LRCH4: variants seen among roughly 807,000 people sequenced by gnomAD.
The protein encoded by LRCH4 is leucine rich repeats and calponin homology domain containing 4.
In LRCH4, 56 loss-of-function variants were observed where a neutral mutation model predicts 81.2. That is an observed-to-expected ratio of 0.69 (90% CI 0.56 to 0.86). The LOEUF is 0.86. Among genes scored for constraint, LRCH4 ranks in the 40% least tolerant of loss-of-function variants. LRCH4 has a pLI of 0.00. For synonymous variants in LRCH4, 442 were observed against 409.7 expected, an observed-to-expected ratio of 1.08 and a Z score of -0.95; for missense variants, 895 against 922.8, an observed-to-expected ratio of 0.97 and a Z score of 0.39.
rs1801633672 is a variant in LRCH4 at position 100,583,809 on chromosome 7, T to G, written c.221-1350A>C. On this transcript the variant is annotated intron_variant, in intron 1 of 17. Coordinates refer to ENST00000310300, the MANE Select transcript of LRCH4 (RefSeq NM_002319.5). This position sits in a 1 kb window ranked among gnomAD's most constrained non-coding sequence, Gnocchi z 4.3. ...CTCGCCTCCACCTGCCCGCTTTCTC[T>G]GCAAATGTGTTTGTGTGTGTGCATG... Among the ~76,000 whole-genome samples, 1 of 152,132 alleles carries G rather than the reference T, an allele frequency of 6.6e-6. No individual in the cohort carries two copies. The highest frequency in any genetic ancestry group is 2.1e-4 in the South Asian group (1 of 4,834).
rs200891670 is a variant in LRCH4 at position 100,574,632 on chromosome 7, G to GCGCGCACACACACACACACACA, written c.*474_*475insTGTGTGTGTGTGTGTGTGCGCG. 83 of 152,108 alleles carry GCGCGCACACACACACACACACA rather than the reference G, an allele frequency of 5.5e-4. No individual in the cohort carries two copies. Among genetic ancestry groups the GCGCGCACACACACACACACACA allele is most frequent in the Non-Finnish European group, 9.4e-4 (65 of 68,946 alleles). 9.4% of individuals were successfully genotyped at this position (152,108 alleles called of 1,614,324 possible). On this transcript the variant is annotated 3_prime_UTR_variant, in exon 18 of 18. Transcript: ENST00000310300. The stretch of plus-strand genomic sequence containing the variant: ...ACGCGGAGCAGACGCGCGCGCGCGC[G>GCGCGCACACACACACACACACA]CACACACACACACACAGGCAGGGCG...
At position 100,582,291 on chromosome 7, in the gene LRCH4, G is replaced by C. The variant is rs756173102; in HGVS notation, c.365+24C>G. ...GAGACTGAGAAGCACACGCTCCCAC[G>C]TGGCCCTGGCTCGGCCTCCCTACCT... is the stretch of plus-strand genomic sequence containing the variant. On this transcript the variant is annotated intron_variant, in intron 2 of 17. Coordinates refer to ENST00000310300, the MANE Select transcript of LRCH4 (RefSeq NM_002319.5). This position sits in a 1 kb window ranked among gnomAD's most constrained non-coding sequence, Gnocchi z 5.0. The C allele has an allele frequency of 6.8e-6, 11 of 1,613,934 alleles. No individual in the cohort carries two copies. Among genetic ancestry groups the C allele is most frequent in the Non-Finnish European group, 9.3e-6 (11 of 1,180,026 alleles).
chr7:100,576,339 G>A lies in LRCH4; in HGVS notation c.1553-16C>T, dbSNP rs1354167217. The stretch of plus-strand genomic sequence containing the variant: ...GAGGAAGGGCCTAGGAGAAAAAGGG[G>A]GGCATGGGGCTGCCTCCACTGCTCA... On this transcript the variant is annotated splice_polypyrimidine_tract_variant and intron_variant, in intron 14 of 17. Transcript: ENST00000310300. 2.5e-6 allele frequency: 4 copies of A among 1,593,826 alleles called. No individual in the cohort carries two copies. Among genetic ancestry groups the A allele is most frequent in the Admixed American group, 3.3e-5 (2 of 59,882 alleles).
At position 100,575,989 on chromosome 7, in the gene LRCH4, TG is replaced by T; in HGVS notation, c.1657del (p.Gln553SerfsTer56). 1 of 1,606,244 alleles carries T rather than the reference TG, an allele frequency of 6.2e-7. No homozygotes were observed. Among genetic ancestry groups the T allele is most frequent in the Non-Finnish European group, 8.5e-7 (1 of 1,178,952 alleles). On this transcript the variant is annotated frameshift_variant, in exon 16 of 18. Transcript: ENST00000310300. LOFTEE classifies it high-confidence loss of function. This position sits in a 1 kb window ranked among gnomAD's most constrained non-coding sequence, Gnocchi z 5.3. ...QLRQVLESRL[Q>X]RPLPEDLAEA... ...GGCCAGGTCCTCAGGCAGGGGCCGC[TG>T]CAGCCGGGACTCAAGGACCTGGCAG...
chr7:100,575,673 T>C lies in LRCH4; in HGVS notation c.1854+32A>G, dbSNP rs749253190. On this transcript the variant is annotated intron_variant, in intron 17 of 17. Coordinates refer to ENST00000310300, the MANE Select transcript of LRCH4 (RefSeq NM_002319.5). This position sits in a 1 kb window ranked among gnomAD's most constrained non-coding sequence, Gnocchi z 5.3. ...GCCACATGCTCGGCTGAGTCCGGCA[T>C]GCCACCACTCTTTAGAAAGCAGCCC... 3.7e-6 allele frequency: 6 copies of C among 1,612,202 alleles called. No individual in the cohort carries two copies. The highest frequency in any genetic ancestry group is 1.1e-5 in the South Asian group (1 of 91,056).
chr7:100,574,082 G>A lies in LRCH4; in HGVS notation c.*1025C>T, dbSNP rs1801246390. ...GGCTGACACGACACCTGCGACACCC[G>A]CGGTCCTTCCACCCAGACCCTCGAC... is the stretch of plus-strand genomic sequence containing the variant. On this transcript the variant is annotated 3_prime_UTR_variant, in exon 18 of 18. Coordinates refer to ENST00000310300, the MANE Select transcript of LRCH4 (RefSeq NM_002319.5). 3 of 155,832 alleles carry A rather than the reference G, an allele frequency of 1.9e-5. No homozygotes were observed. The highest frequency in any genetic ancestry group is 7.2e-5 in the African/African-American group (3 of 41,474). The allele number at this position is 155,832 out of a possible 1,614,324, so 9.7% of individuals were successfully genotyped here. A position where few individuals can be genotyped will look rare whatever the true frequency, so the allele number is the denominator to read the frequency against.
chr7:100,578,579 T>C lies in LRCH4; in HGVS notation c.736-68A>G. On this transcript the variant is annotated intron_variant, in intron 5 of 17. Coordinates refer to ENST00000310300, the MANE Select transcript of LRCH4 (RefSeq NM_002319.5). The surrounding 1 kb of genome is among the most constrained non-coding windows in gnomAD (Gnocchi z 5.7). ...CAGCTCCCCGGATCCTGCTCAGCTA[T>C]CCAAGGGGACCAACCCCACTCCTGC... 6.2e-7 allele frequency: 1 copy of C among 1,601,478 alleles called. No individual in the cohort carries two copies. The highest frequency in any genetic ancestry group is 1.3e-5 in the African/African-American group (1 of 74,858).
In LRCH4 at chr7:100,575,853, TC is replaced by T; in HGVS notation, c.1776+17del. The stretch of plus-strand genomic sequence containing the variant: ...GCGCCCCGGCCCATCCCCCACCTCT[TC>T]CCCAGCCCCAACTGACCACAGCAGG... On this transcript the variant is annotated intron_variant, in intron 16 of 17. Coordinates refer to ENST00000310300, the MANE Select transcript of LRCH4 (RefSeq NM_002319.5). The surrounding 1 kb of genome is among the most constrained non-coding windows in gnomAD (Gnocchi z 5.3). 2 of 1,611,488 alleles carry T rather than the reference TC, an allele frequency of 1.2e-6. No individual in the cohort carries two copies. The highest frequency in any genetic ancestry group is 1.1e-5 in the South Asian group (1 of 90,912).
Position 100,578,920 on chromosome 7 carries a change from A to G in LRCH4, c.599-134T>C. 1 of 894,248 alleles carries G rather than the reference A, an allele frequency of 1.1e-6. No individual in the cohort carries two copies. 55.4% of individuals were successfully genotyped at this position (894,248 alleles called of 1,614,324 possible). On this transcript the variant is annotated intron_variant, in intron 4 of 17. Coordinates refer to ENST00000310300, the MANE Select transcript of LRCH4 (RefSeq NM_002319.5). The surrounding 1 kb of genome is among the most constrained non-coding windows in gnomAD (Gnocchi z 5.7). ...GCCTCTCCCCTGGGTGGCTCAAGTC[A>G]TTCCCCGGGAGAAACCTCCCTGCTC...
rs1409782510 is a variant in LRCH4 at position 100,577,099 on chromosome 7, G to C, written c.1351C>G (p.Gln451Glu). The change falls in exon 12 of 18, where the codon CAA (glutamine) becomes GAA (glutamate). Residue 451 changes from glutamine to glutamate, a missense_variant. Physicochemically the swap from Gln to Glu is conservative, Grantham distance 29. Around this residue, in one of 3 missense-constraint regions of LRCH4, gnomAD observed 529 missense variants for 504.9 expected, o/e 1.05. Coordinates refer to ENST00000310300, the MANE Select transcript of LRCH4 (RefSeq NM_002319.5). The surrounding 1 kb of genome is among the most constrained non-coding windows in gnomAD (Gnocchi z 6.7). ...VVGGAAAVST[Q>E]AMHNGSPKSS... ...CAGGAAACCTACTTGTGCATGGCTT[G>C]AGTGGACACGGCGGCGGCCCCTCCC... 1 of 1,614,162 alleles carries C rather than the reference G, an allele frequency of 6.2e-7. No individual in the cohort carries two copies.
Position 100,578,981 on chromosome 7 carries a change from A to C in LRCH4, c.599-195T>G. Reference sequence around the variant, plus strand: ...ATGATTCTGGTCCACGGTCTAAGCGAGCCTCCCTGAGAGGGCCCATCTGGA... The same window carrying C: ...ATGATTCTGGTCCACGGTCTAAGCGCGCCTCCCTGAGAGGGCCCATCTGGA... On this transcript the variant is annotated intron_variant, in intron 4 of 17. Transcript: ENST00000310300. The surrounding 1 kb of genome is among the most constrained non-coding windows in gnomAD (Gnocchi z 5.7). The C allele has an allele frequency of 1.7e-6, 1 of 602,858 alleles. No individual in the cohort carries two copies. Among genetic ancestry groups the C allele is most frequent in the South Asian group, 2.1e-5 (1 of 47,536 alleles). The allele number at this position is 602,858 out of a possible 1,614,324, so 37.3% of individuals were successfully genotyped here. A position where few individuals can be genotyped will look rare whatever the true frequency, so the allele number is the denominator to read the frequency against.
rs769842767 is a variant in LRCH4, at chr7:100,576,974, C to T, written c.1396G>A (p.Gly466Arg). The T allele has an allele frequency of 3.1e-6, 5 of 1,602,018 alleles. No homozygotes were observed. The South Asian group carries it at 5.5e-5, about 18-fold the overall frequency. Residue 466 changes from glycine to arginine, a missense_variant, in exon 13 of 18, where the codon GGG becomes AGG. Gly to Arg is a moderately radical substitution (Grantham distance 125). Coordinates refer to ENST00000310300, the MANE Select transcript of LRCH4 (RefSeq NM_002319.5). Reference sequence around the variant, plus strand: ...GGGGCTCCCTGCCCCGCTGCAGCCCCTGCTTGGGAGGCACTGGACTTAGGC... The same window carrying T: ...GGGGCTCCCTGCCCCGCTGCAGCCCTTGCTTGGGAGGCACTGGACTTAGGC... ...GSPKSSASQA[G>R]AAAGQGAPAP...
chr7:100,582,241 C>A lies in LRCH4; in HGVS notation c.365+74G>T, dbSNP rs1801582243. 1.2e-6 allele frequency: 2 copies of A among 1,613,362 alleles called. No individual in the cohort carries two copies. The highest frequency in any genetic ancestry group is 2.7e-5 in the African/African-American group (2 of 74,928). On this transcript the variant is annotated intron_variant, in intron 2 of 17. Coordinates refer to ENST00000310300, the MANE Select transcript of LRCH4 (RefSeq NM_002319.5). This position sits in a 1 kb window ranked among gnomAD's most constrained non-coding sequence, Gnocchi z 5.0. ...CAGCACTGCCATCCTCTCGGGGTCA[C>A]TGGGTGGGTCACTCAGTAGTACTTG...
intron 14 of LRCH4, 160 bp downstream of exon 14, chr7:100,576,534 G>A (rs930889189): frequency 2.1e-5 from 15 of 709,140 alleles, no homozygotes; most frequent in Non-Finnish European, 2.8e-5. Flanking sequence ...AAAGTGCTGC[G>A]ATTACAGGTG....
At position 100,576,224 on chromosome 7, in the gene LRCH4, C is replaced by T; in HGVS notation, c.1638+14G>A. The T allele has an allele frequency of 6.2e-7, 1 of 1,613,248 alleles. No individual in the cohort carries two copies. The highest frequency in any genetic ancestry group is 8.5e-7 in the Non-Finnish European group (1 of 1,179,562). ...GCCCAGGCCCCTGCCCACGCAGCTCCCGCCTCTGCTCACCTGGCGCAGCTG... is the reference window on the plus strand; with the variant it reads ...GCCCAGGCCCCTGCCCACGCAGCTCTCGCCTCTGCTCACCTGGCGCAGCTG... On this transcript the variant is annotated intron_variant, in intron 15 of 17. Transcript: ENST00000310300.
chr7:100,577,870 G>A lies in LRCH4; in HGVS notation c.991C>T (p.Leu331=). ...FSELSFRISE[L]AREPRGPRER... ...CTGGGTCCCCGGGGCTCCCGGGCCA[G>A]CTCTGAGATCCGGAATGACAGCTCT... Residue 331 remains leucine, a synonymous_variant, in exon 8 of 18, where the codon CTG becomes TTG. Transcript: ENST00000310300. This position sits in a 1 kb window ranked among gnomAD's most constrained non-coding sequence, Gnocchi z 6.7. The A allele has an allele frequency of 2.5e-6, 4 of 1,614,028 alleles. No homozygotes were observed. The highest frequency in any genetic ancestry group is 3.4e-6 in the Non-Finnish European group (4 of 1,179,912).
At position 100,578,582 on chromosome 7, in the gene LRCH4, A is replaced by G; in HGVS notation, c.735+68T>C. On this transcript the variant is annotated intron_variant, in intron 5 of 17. Transcript: ENST00000310300. This position sits in a 1 kb window ranked among gnomAD's most constrained non-coding sequence, Gnocchi z 5.7. ...CTCCCCGGATCCTGCTCAGCTATCC[A>G]AGGGGACCAACCCCACTCCTGCCTA... 6.2e-7 allele frequency: 1 copy of G among 1,601,816 alleles called. No homozygotes were observed. The highest frequency in any genetic ancestry group is 8.5e-7 in the Non-Finnish European group (1 of 1,172,564).
At chr7:100,584,023 C>T (rs1264787150) in intron 1 of LRCH4, 2 of 386,356 alleles carry the variant, frequency 5.2e-6, no homozygotes, top group Non-Finnish European at 1.1e-5. Context: ...CAGGATTCTT[C>T]CTACTATCAC....
At chr7:100,581,978 C>T (rs1801573612) in intron 3 of LRCH4, 63 bp downstream of exon 3, 2 of 1,603,152 alleles carry the variant, frequency 1.2e-6, no homozygotes, top group East Asian at 4.5e-5. Context: ...TCCCCAACCT[C>T]CCCCTAGAAG....
Sources: allele counts gnomAD v4.1 joint callset (sites outside exome capture counted in the v4.1 genomes callset), GRCh38; gene constraint gnomAD v4.1.1; regional missense constraint gnomAD v4.1.1; non-coding constraint Gnocchi (gnomAD v3.1); transcripts MANE v1.5; gene names NCBI Gene and HGNC (gene_info 2026-07-23, HGNC 2026-07-21).